NPHS1: variants seen among roughly 807,000 people sequenced by gnomAD.
NPHS1 encodes nephrin.
In NPHS1, 107 loss-of-function variants were observed where a neutral mutation model predicts 139.7. The observed-to-expected ratio is 0.77, with a 90% CI of 0.66 to 0.90. The LOEUF (loss-of-function observed/expected upper bound fraction) is 0.90. Among genes scored for constraint, NPHS1 ranks in the 40% least tolerant of loss-of-function variants. The pLI is 0.00. For missense variants in NPHS1, 1,580 were observed against 1,654.2 expected (o/e 0.96, Z 0.78); for synonymous variants, 707 against 706.6 (o/e 1.00, Z -0.01).
chr19:35,840,852 C>CTTTT (rs746031842), intron 20 of NPHS1, among the ~76,000 whole-genome samples: 1 of 128,382 alleles, frequency 7.8e-6, no homozygotes, highest in Non-Finnish European at 1.7e-5. Flanking sequence ...TCACGCCCGG[C>CTTTT]TTTTTTTTTT....
chr19:35,839,152 T>G, intron 22 of NPHS1, 85 bp downstream of exon 22: 1 of 1,330,354 alleles, frequency 7.5e-7, no homozygotes, highest in Non-Finnish European at 1.1e-6. Context: ...TAACTCATCA[T>G]AAAAGGGGAA....
At chr19:35,851,189 G>A in intron 3 of NPHS1, 73 bp downstream of exon 3, 1 of 1,613,122 alleles carries the variant, frequency 6.2e-7, no homozygotes, top group Non-Finnish European at 8.5e-7. Context: ...CTGGGGGCTT[G>A]GACTTCCGGG....
chr19:35,851,195 C>T lies in NPHS1; in HGVS notation c.397+67G>A. On this transcript the variant is annotated intron_variant, in intron 3 of 28. Coordinates refer to ENST00000378910, the MANE Select transcript of NPHS1 (RefSeq NM_004646.4). ...GAGGAGAGGCTGGGGGCTTGGACTT[C>T]CGGGTTGCGGGGTAGGGGAGGGCTT... 3.7e-6 allele frequency: 6 copies of T among 1,613,404 alleles called. No homozygotes were observed. The South Asian group carries it at 6.6e-5, about 18-fold the overall frequency.
In NPHS1 at chr19:35,830,883, C is replaced by CG. The variant is rs750714387; in HGVS notation, c.3554dup (p.Ser1186ValfsTer10). On this transcript the variant is annotated frameshift_variant, in exon 28 of 29. Transcript: ENST00000378910. LOFTEE classifies it low-confidence loss of function (END_TRUNC). ...CGTAGAGGGGTCCCCAGGCTCCAGA[C>CG]GGGGGGTACGTTCTTTCTACCTCAT... 7.4e-6 allele frequency: 12 copies of CG among 1,613,760 alleles called. No homozygotes were observed. Among genetic ancestry groups the CG allele is most frequent in the Admixed American group, 6.7e-5 (4 of 60,006 alleles).
Position 35,831,138 on chromosome 19 carries a change from T to C in NPHS1, c.3396A>G (p.Thr1132=). The change falls in exon 27 of 29, where the codon ACA becomes ACG. Residue 1132 remains threonine, a synonymous_variant. Transcript: ENST00000378910. ...AGCGGTAATACGGCTCTGCCTCTGT[T>C]GTGCTGACCTGTTCCCCACACGCAA... ...ERDTQSSTVS[T]TEAEPYYRSL... 6.2e-7 allele frequency: 1 copy of C among 1,613,904 alleles called. No homozygotes were observed.
intron 4 of NPHS1, 64 bp downstream of exon 4, chr19:35,850,895 AAC>A: frequency 6.3e-7 from 1 of 1,595,034 alleles, no homozygotes. Context: ...ACTGGTCAGG[AAC>A]ACACACCCTT....
Position 35,826,480 on chromosome 19 carries a change from C to T in NPHS1, c.*34G>A. On this transcript the variant is annotated 3_prime_UTR_variant, in exon 29 of 29. Transcript: ENST00000378910. ...AGAGAGACCAGTGGAGTGTAAATTC[C>T]TGCAGGTGCAGGACAATGGGGTTGA... 6.2e-7 allele frequency: 1 copy of T among 1,612,620 alleles called. No homozygotes were observed. The highest frequency in any genetic ancestry group is 8.5e-7 in the Non-Finnish European group (1 of 1,179,712).
In NPHS1 at chr19:35,842,234, T is replaced by A; in HGVS notation, c.2553A>T (p.Ala851=). Reference sequence around the variant, plus strand: ...TGGCAGAACTGGTGCTGTCTCCAGCTGCAGCCACCTTAGTTAGGGGAGTGG... The same window carrying A: ...TGGCAGAACTGGTGCTGTCTCCAGCAGCAGCCACCTTAGTTAGGGGAGTGG... ...EHPTPLTKVA[A]AGDSTSSATL... The change falls in exon 19 of 29, where the codon GCA becomes GCT. Residue 851 remains alanine, a synonymous_variant. Transcript: ENST00000378910. The A allele has an allele frequency of 6.2e-7, 1 of 1,613,478 alleles. No homozygotes were observed. The highest frequency in any genetic ancestry group is 1.3e-5 in the African/African-American group (1 of 75,030).
chr19:35,844,585 G>C (rs899791090), intron 14 of NPHS1, 126 bp from the exon 15 acceptor site: 8 of 988,700 alleles, frequency 8.1e-6, no homozygotes, highest in Non-Finnish European at 1.1e-5. Context: ...TTGTGGACAA[G>C]GTAACAAGTT....
intron 23 of NPHS1, 42 bp from the exon 24 acceptor site, chr19:35,831,804 G>T (rs766684365): frequency 1.3e-6 from 2 of 1,547,126 alleles, no homozygotes; most frequent in South Asian, 1.2e-5. Flanking sequence ...CAGACAACAG[G>T]CTGTAGGCCA....
At chr19:35,832,844 G>C (rs1380319707) in intron 23 of NPHS1, among the ~76,000 whole-genome samples, 2 of 126,504 alleles carry the variant, frequency 1.6e-5, no homozygotes, top group African/African-American at 6.1e-5. Context: ...CCGAGATCAC[G>C]CTACTGCACT....
chr19:35,850,271 C>A, intron 5 of NPHS1, 93 bp downstream of exon 5: 2 of 989,368 alleles, frequency 2.0e-6, no homozygotes, highest in South Asian at 1.3e-5. Flanking sequence ...ATGTTCATAC[C>A]TAGCCCAAGC....
In NPHS1 at chr19:35,841,288, G is replaced by C. The variant is rs553657265; in HGVS notation, c.2815+427C>G. Among the ~76,000 whole-genome samples, 17 of 152,152 alleles carry C rather than the reference G, an allele frequency of 1.1e-4. No individual in the cohort carries two copies. In the East Asian group the frequency reaches 3.1e-3, roughly 28 times the overall value. ...CTCGGGAGGCTGAGATGAGAGAATT[G>C]CTTGAATCCAGGAGGCAGAGGTTGC... is the stretch of plus-strand genomic sequence containing the variant. On this transcript the variant is annotated intron_variant, in intron 20 of 28. Transcript: ENST00000378910.
In NPHS1 at chr19:35,839,520, C is replaced by T. The variant is rs771798618; in HGVS notation, c.2903G>A (p.Gly968Asp). 1.9e-6 allele frequency: 3 copies of T among 1,606,600 alleles called. No individual in the cohort carries two copies. The highest frequency in any genetic ancestry group is 2.2e-5 in the South Asian group (2 of 90,124). Residue 968 changes from glycine to aspartate, a missense_variant, in exon 21 of 29, where the codon GGC becomes GAC. Gly to Asp is a moderately conservative substitution (Grantham distance 94, BLOSUM62 -1). Coordinates refer to ENST00000378910, the MANE Select transcript of NPHS1 (RefSeq NM_004646.4). ...GLEWKPGFDG[G>D]LPQRFCIRYE... ...CCTGATGCAGAACCTCTGTGGCAGGCCCCCATCAAAGCCAGGCTTCCACTC... is the reference window on the plus strand; with the variant it reads ...CCTGATGCAGAACCTCTGTGGCAGGTCCCCATCAAAGCCAGGCTTCCACTC...
At chr19:35,826,742 A>G in intron 28 of NPHS1, 97 bp from the exon 29 acceptor site, 3 of 1,401,426 alleles carry the variant, frequency 2.1e-6, no homozygotes, top group Admixed American at 1.7e-5. Flanking sequence ...ACTTCCCAGA[A>G]AAAAGTGTTT....
intron 5 of NPHS1, 150 bp from the exon 6 acceptor site, chr19:35,849,803 G>A (rs1973206649): frequency 4.3e-6 from 3 of 701,092 alleles, no homozygotes; most frequent in Non-Finnish European, 7.7e-6. Flanking sequence ...CCATGGGAGA[G>A]ATTTTGGGGG....
chr19:35,831,234 G>A (rs1972876242), intron 26 of NPHS1, 62 bp downstream of exon 26: 22 of 1,605,640 alleles, frequency 1.4e-5, no homozygotes, highest in African/African-American at 9.4e-5. Context: ...TGATGCTAAC[G>A]GCAGGGCTTC....
In NPHS1 at chr19:35,839,387, A is replaced by T. The variant is rs1321713419; in HGVS notation, c.2959T>A (p.Tyr987Asn). ...GCCTGGGGTGGTACGACATCCACAT[A>T]GTGGAACCCTGGAGTCCCCAGGGCC... ...YEALGTPGFH[Y>N]VDVVPPQATT... The change falls in exon 22 of 29, where the codon TAT becomes AAT. Residue 987 changes from tyrosine to asparagine, a missense_variant. By Grantham distance (143) the Tyr-to-Asn change is moderately radical. Transcript: ENST00000378910. 5.6e-6 allele frequency: 9 copies of T among 1,614,050 alleles called. No homozygotes were observed. In the Admixed American group the frequency reaches 1.5e-4, roughly 27 times the overall value.
At position 35,844,389 on chromosome 19, in the gene NPHS1, G is replaced by C. The variant is rs1437050024; in HGVS notation, c.2001C>G (p.Pro667=). 1 of 1,612,020 alleles carries C rather than the reference G, an allele frequency of 6.2e-7. No individual in the cohort carries two copies. The highest frequency in any genetic ancestry group is 8.5e-7 in the Non-Finnish European group (1 of 1,179,306). The change falls in exon 15 of 29, where the codon CCC becomes CCG. Residue 667 remains proline, a synonymous_variant. Coordinates refer to ENST00000378910, the MANE Select transcript of NPHS1 (RefSeq NM_004646.4). ...GGGCGGGGTTAGCGGACACGGACAC[G>C]GGCAGCAACGCCTCGCCCTGCTCCA... ...TAVEQGEALL[P]VSVSANPAPE... is the part of the protein sequence containing the mutation.
Sources: allele counts gnomAD v4.1 joint callset (sites outside exome capture counted in the v4.1 genomes callset), GRCh38; gene constraint gnomAD v4.1.1; transcripts MANE v1.5; gene names NCBI Gene and HGNC (gene_info 2026-07-23, HGNC 2026-07-21).